The following PTPRD variants were observed in gnomAD, a reference collection of about 807,000 sequenced individuals.
The protein encoded by PTPRD is protein tyrosine phosphatase receptor type D.
Under a neutral mutation model 214.5 loss-of-function variants are expected in PTPRD, and 34 were observed. That is an observed-to-expected ratio of 0.16 (90% CI 0.12 to 0.21). PTPRD has a LOEUF of 0.21. Ranked by LOEUF, PTPRD falls within the 10% of genes least tolerant of loss-of-function variation. The pLI is 1.00. For synonymous variants in PTPRD, 1,128 were observed against 845.7 expected (o/e 1.33, Z -5.79); for missense variants, 2,545 against 2,398.7 (o/e 1.06, Z -1.27).
chr9:9,923,292 A>C (rs1486097734), intron 5 of PTPRD, among the ~76,000 whole-genome samples: 1 of 151,588 alleles, frequency 6.6e-6, no homozygotes, highest in African/African-American at 2.4e-5. Flanking sequence ...AGAAGAGTGG[A>C]AGATAAAAAT....
rs575109026 is a variant in PTPRD, at chr9:10,249,153, C to T, written c.-545+91810G>A. 7.2e-5 allele frequency among the ~76,000 whole-genome samples: 11 copies of T among 152,204 alleles called. No individual in the cohort carries two copies. In the East Asian group the frequency reaches 2.1e-3, roughly 29 times the overall value. ...GTGACTAAAAGTGATTTTGAGACAT[C>T]TATGCTTTTATCTCCCATCCTATAC... On this transcript the variant is annotated intron_variant, in intron 3 of 45. Coordinates refer to ENST00000381196, the MANE Select transcript of PTPRD (RefSeq NM_002839.4).
At chr9:10,067,561 T>A (rs1269831579) in intron 3 of PTPRD, among the ~76,000 whole-genome samples, 1 of 151,904 alleles carries the variant, frequency 6.6e-6, no homozygotes, top group Non-Finnish European at 1.5e-5. Context: ...CTTACATACA[T>A]GATTATTAAT....
intron 10 of PTPRD, among the ~76,000 whole-genome samples, chr9:9,098,085 G>A (rs1037405626): frequency 6.6e-6 from 1 of 151,422 alleles, no homozygotes; most frequent in Non-Finnish European, 1.5e-5. Flanking sequence ...ATATTTATAT[G>A]GATTTTGTGT....
At chr9:10,435,618 C>T (rs2098712098) in intron 2 of PTPRD, among the ~76,000 whole-genome samples, 2 of 151,778 alleles carry the variant, frequency 1.3e-5, no homozygotes, top group South Asian at 4.2e-4. Context: ...TTATTCATTC[C>T]AAATAATATT....
chr9:9,890,968 C>G (rs771505566), intron 5 of PTPRD, among the ~76,000 whole-genome samples: 6 of 152,040 alleles, frequency 3.9e-5, no homozygotes. Flanking sequence ...ACATCGCTGG[C>G]AGTAAGACAT....
chr9:10,024,360 T>C (rs919406314), intron 4 of PTPRD, among the ~76,000 whole-genome samples: 8 of 152,176 alleles, frequency 5.3e-5, no homozygotes, highest in African/African-American at 1.2e-4. Context: ...TTTTGTTTTA[T>C]TGCTCAGTGT....
chr9:9,206,985 T>C (rs1454056929), intron 9 of PTPRD, among the ~76,000 whole-genome samples: 1 of 152,210 alleles, frequency 6.6e-6, no homozygotes, highest in Non-Finnish European at 1.5e-5. Flanking sequence ...AAAGCTATTG[T>C]AATAAACCAG....
Position 9,496,629 on chromosome 9 carries a change from G to A in PTPRD, c.-237+78103C>T, listed in dbSNP as rs143054138. 4.1e-3 allele frequency among the ~76,000 whole-genome samples: 619 copies of A among 152,210 alleles called. 3 individuals carry two copies. Among genetic ancestry groups the A allele is most frequent in the Admixed American group, 0.011 (166 of 15,278 alleles). Reference sequence around the variant, plus strand: ...GTGTTGGTGATGATGTGGAGAAACCGAAACCCTTCTGCAATGTTGGTGGGA... The same window carrying A: ...GTGTTGGTGATGATGTGGAGAAACCAAAACCCTTCTGCAATGTTGGTGGGA... On this transcript the variant is annotated intron_variant, in intron 8 of 45. Transcript: ENST00000381196.
intron 2 of PTPRD, among the ~76,000 whole-genome samples, chr9:10,531,666 A>C (rs767122547): frequency 6.6e-6 from 1 of 152,158 alleles, no homozygotes; most frequent in Non-Finnish European, 1.5e-5. Flanking sequence ...GCTGGCTTTA[A>C]GGTGTATGCA....
At chr9:10,433,794 T>A (rs1386403220) in intron 2 of PTPRD, among the ~76,000 whole-genome samples, 7 of 151,944 alleles carry the variant, frequency 4.6e-5, no homozygotes, top group Admixed American at 4.6e-4. Context: ...GCTTTTAATG[T>A]AAATATATAA....
chr9:9,916,092 AAC>A lies in PTPRD; in HGVS notation c.-368+22413_-368+22414del, dbSNP rs1002128877. 3.0e-4 allele frequency among the ~76,000 whole-genome samples: 45 copies of A among 150,238 alleles called. No individual in the cohort carries two copies. The South Asian group carries it at 4.0e-3, about 13-fold the overall frequency. On this transcript the variant is annotated intron_variant, in intron 5 of 45. Coordinates refer to ENST00000381196, the MANE Select transcript of PTPRD (RefSeq NM_002839.4). ...AAAGTACTAAAATTAAAAAAAAAAA[AAC>A]AAAAAACTGTCAGCTACAAATACTA... is the stretch of plus-strand genomic sequence containing the variant.
chr9:8,316,978 T>C lies in PTPRD; in HGVS notation c.*896A>G. On this transcript the variant is annotated 3_prime_UTR_variant, in exon 46 of 46. Coordinates refer to ENST00000381196, the MANE Select transcript of PTPRD (RefSeq NM_002839.4). ...CACCCTTATAAAATATGGATATATA[T>C]GTATATATGTTAGCAGCAACTTTAT... 4.3e-6 allele frequency: 1 copy of C among 231,536 alleles called. No individual in the cohort carries two copies. The highest frequency in any genetic ancestry group is 8.6e-6 in the Non-Finnish European group (1 of 116,790). The allele number at this position is 231,536 out of a possible 1,614,324, so 14.3% of individuals were successfully genotyped here.
chr9:10,394,204 AAT>A (rs1438655861), intron 2 of PTPRD, among the ~76,000 whole-genome samples: 1 of 146,568 alleles, frequency 6.8e-6, no homozygotes, highest in Non-Finnish European at 1.5e-5. Flanking sequence ...ATATAAAGAT[AAT>A]ATATAATATA....
intron 3 of PTPRD, among the ~76,000 whole-genome samples, chr9:10,088,166 T>C (rs2098380256): frequency 6.6e-6 from 1 of 151,816 alleles, no homozygotes; most frequent in African/African-American, 2.4e-5. Flanking sequence ...CAGCCATCTT[T>C]TTCTATTGCA....
At chr9:9,233,924 G>A (rs974063024) in intron 9 of PTPRD, among the ~76,000 whole-genome samples, 5 of 152,146 alleles carry the variant, frequency 3.3e-5, no homozygotes, top group African/African-American at 1.2e-4. Flanking sequence ...AGCTTTTCCA[G>A]GTACATAATG....
chr9:8,353,267 A>ACAAT lies in PTPRD; in HGVS notation c.4662-11293_4662-11290dup, dbSNP rs550449860. On this transcript the variant is annotated intron_variant, in intron 39 of 45. Coordinates refer to ENST00000381196, the MANE Select transcript of PTPRD (RefSeq NM_002839.4). ...AGGCAGTGAGAATCTCACTCTCAAT[A>ACAAT]CAATCAGTTTATGATTGTTTGCAAC... Among the ~76,000 whole-genome samples, 127 of 152,252 alleles carry ACAAT rather than the reference A, an allele frequency of 8.3e-4. 1 individual carries two copies. The highest frequency in any genetic ancestry group is 2.8e-3 in the African/African-American group (117 of 41,546).
intron 2 of PTPRD, among the ~76,000 whole-genome samples, chr9:10,574,534 GA>G (rs56654250): frequency 1.3e-5 from 2 of 150,902 alleles, no homozygotes; most frequent in Non-Finnish European, 3.0e-5. Flanking sequence ...AGAGAGAAAG[GA>G]AAAAAAATAT....
chr9:9,448,170 T>C (rs1708979628), intron 8 of PTPRD, among the ~76,000 whole-genome samples: 1 of 152,070 alleles, frequency 6.6e-6, no homozygotes, highest in South Asian at 2.1e-4. Flanking sequence ...TAAGAAGTTG[T>C]AAAATTTTCA....
chr9:9,580,755 G>A (rs915110442), intron 7 of PTPRD, among the ~76,000 whole-genome samples: 1 of 151,752 alleles, frequency 6.6e-6, no homozygotes, highest in Non-Finnish European at 1.5e-5. Flanking sequence ...CAGCACGTTG[G>A]CCAGGGTGGT....
Sources: gnomAD v4.1 joint callset for allele counts (sites outside exome capture counted in the v4.1 genomes callset) on GRCh38, gnomAD v4.1.1 for gene constraint, MANE v1.5 for transcripts, NCBI Gene and HGNC (gene_info 2026-07-23, HGNC 2026-07-21) for gene names.